KPNA3: variants seen among roughly 807,000 people sequenced by gnomAD.
The protein encoded by KPNA3 is karyopherin subunit alpha 3.
KPNA3 carries 13 observed loss-of-function variants against 73.8 expected under a neutral mutation model. The observed-to-expected ratio is 0.18, with a 90% CI of 0.11 to 0.28. KPNA3 has a LOEUF of 0.28. Among genes scored for constraint, KPNA3 ranks in the 10% least tolerant of loss-of-function variants. The pLI is 1.00. For missense variants in KPNA3, 360 were observed against 618.1 expected (o/e 0.58, Z 4.43); for synonymous variants, 186 against 206.9 (o/e 0.90, Z 0.87).
rs1954134927 is a variant in KPNA3, at chr13:49,700,217, G to A, written c.*1583C>T. ...TGTAATGAATGCACACCTGCTATGT[G>A]TTGTTTATCAGTGAAAACACCCCAG... is the stretch of plus-strand genomic sequence containing the variant. On this transcript the variant is annotated 3_prime_UTR_variant, in exon 17 of 17. Transcript: ENST00000261667. The A allele has an allele frequency of 6.6e-6, 1 of 152,556 alleles. No individual in the cohort carries two copies. The highest frequency in any genetic ancestry group is 1.5e-5 in the Non-Finnish European group (1 of 68,014). The allele number at this position is 152,556 out of a possible 1,614,324, so 9.5% of individuals were successfully genotyped here.
chr13:49,705,888 A>G, intron 14 of KPNA3, 105 bp from the exon 15 acceptor site: 3 of 1,112,510 alleles, frequency 2.7e-6, no homozygotes, highest in Middle Eastern at 5.9e-4. Flanking sequence ...TCTTGAGCCC[A>G]GGAGTTGGAG....
At chr13:49,725,274 G>GA in intron 7 of KPNA3, 142 bp downstream of exon 7, 1 of 447,890 alleles carries the variant, frequency 2.2e-6, no homozygotes, top group East Asian at 3.5e-5. Context: ...TGACGGCTAT[G>GA]AAAAAGATAT....
intron 1 of KPNA3, among the ~76,000 whole-genome samples, chr13:49,777,667 A>ATTTTT (rs146787105): frequency 1.4e-5 from 2 of 141,354 alleles, no homozygotes; most frequent in African/African-American, 5.3e-5. Context: ...CACCCAGATG[A>ATTTTT]TTTTTTTTTT....
At chr13:49,792,411 G>A (rs759045635) in intron 1 of KPNA3, 27 bp downstream of exon 1, 9 of 1,518,980 alleles carry the variant, frequency 5.9e-6, no homozygotes, top group Admixed American at 4.1e-5. Context: ...GCGGCCAGGC[G>A]GGCCCAGACC....
chr13:49,734,768 A>C (rs1377767426), intron 2 of KPNA3, among the ~76,000 whole-genome samples: 1 of 152,116 alleles, frequency 6.6e-6, no homozygotes, highest in African/African-American at 2.4e-5. Context: ...ACATGTGTCT[A>C]TTAGTTAAAA....
Position 49,701,366 on chromosome 13 carries a change from G to T in KPNA3, c.*434C>A. 3.3e-6 allele frequency: 1 copy of T among 307,166 alleles called. No individual in the cohort carries two copies. The highest frequency in any genetic ancestry group is 6.9e-6 in the Non-Finnish European group (1 of 144,504). The allele number at this position is 307,166 out of a possible 1,614,324, so 19.0% of individuals were successfully genotyped here. On this transcript the variant is annotated 3_prime_UTR_variant, in exon 17 of 17. Transcript: ENST00000261667. ...TATGTTTGTGGAGGACAATGATGGA[G>T]GCTCAGATCACACTGCACCTCTTTA... is the stretch of plus-strand genomic sequence containing the variant.
intron 11 of KPNA3, among the ~76,000 whole-genome samples, chr13:49,710,198 G>T (rs1452700315): frequency 6.6e-6 from 1 of 152,214 alleles, no homozygotes; most frequent in Admixed American, 6.5e-5. Flanking sequence ...AGAGGCAGAG[G>T]CTGCGGTGAG....
intron 1 of KPNA3, among the ~76,000 whole-genome samples, chr13:49,782,242 T>C (rs1185082832): frequency 6.6e-6 from 1 of 152,146 alleles, no homozygotes; most frequent in African/African-American, 2.4e-5. Context: ...ACAATGCCCC[T>C]CATATCAGCT....
At chr13:49,751,880 C>A (rs1954666154) in intron 1 of KPNA3, among the ~76,000 whole-genome samples, 1 of 152,144 alleles carries the variant, frequency 6.6e-6, no homozygotes, top group Non-Finnish European at 1.5e-5. Flanking sequence ...TACACTCCAG[C>A]CTGGGTGATA....
chr13:49,732,995 T>C lies in KPNA3; in HGVS notation c.166A>G (p.Ser56Gly). ...LKKRNVPQEE[S>G]LEDSDVDADF... ...GCATCAACATCTGAATCTTCTAGAC[T>C]TTCTTCTTGGGGAACATTTCTCTTT... The change falls in exon 3 of 17, where the codon AGT (serine) becomes GGT (glycine). Residue 56 changes from serine to glycine, a missense_variant. By Grantham distance (56) the Ser-to-Gly change is moderately conservative. Around this residue, in one of 3 missense-constraint regions of KPNA3, gnomAD observed 287 missense variants for 549.1 expected, o/e 0.52. Transcript: ENST00000261667. 6.2e-7 allele frequency: 1 copy of C among 1,611,900 alleles called. No homozygotes were observed. The highest frequency in any genetic ancestry group is 1.1e-5 in the South Asian group (1 of 90,940).
At chr13:49,784,107 G>A (rs1258122854) in intron 1 of KPNA3, among the ~76,000 whole-genome samples, 1 of 152,082 alleles carries the variant, frequency 6.6e-6, no homozygotes, top group African/African-American at 2.4e-5. Flanking sequence ...AAATAAGCTG[G>A]ACATGGTAGT....
At chr13:49,787,805 G>A (rs1032534438) in intron 1 of KPNA3, among the ~76,000 whole-genome samples, 3 of 150,534 alleles carry the variant, frequency 2.0e-5, no homozygotes, top group Admixed American at 6.6e-5. Flanking sequence ...TCAGCCTCCC[G>A]TGTAGCTGGG....
intron 10 of KPNA3, among the ~76,000 whole-genome samples, chr13:49,718,002 T>A (rs919695774): frequency 6.6e-6 from 1 of 152,198 alleles, no homozygotes; most frequent in African/African-American, 2.4e-5. Context: ...ATTTTTTTTT[T>A]CACTGTGAGC....
At chr13:49,792,071 C>T (rs1955038246) in intron 1 of KPNA3, among the ~76,000 whole-genome samples, 1 of 152,144 alleles carries the variant, frequency 6.6e-6, no homozygotes, top group African/African-American at 2.4e-5. Context: ...AAGCAGCGGC[C>T]GCCCCCTCGG....
chr13:49,738,250 T>C (rs1157262631), intron 2 of KPNA3, among the ~76,000 whole-genome samples: 2 of 152,226 alleles, frequency 1.3e-5, no homozygotes, highest in Admixed American at 6.5e-5. Context: ...ACACACAGTA[T>C]TGATTACTAT....
rs920370786 is a variant in KPNA3 at position 49,701,713 on chromosome 13, C to A, written c.*87G>T. The A allele has an allele frequency of 5.9e-6, 5 of 851,492 alleles. No individual in the cohort carries two copies. The highest frequency in any genetic ancestry group is 1.0e-5 in the Non-Finnish European group (5 of 489,310). The allele number at this position is 851,492 out of a possible 1,614,324, so 52.7% of individuals were successfully genotyped here. On this transcript the variant is annotated 3_prime_UTR_variant, in exon 17 of 17. Transcript: ENST00000261667. ...ACAAAGAGGCATGTGTGTTTTGGAG[C>A]CTTTTGTTGCTGTTGTTCTTATCAT...
At chr13:49,767,471 G>T (rs1430106633) in intron 1 of KPNA3, among the ~76,000 whole-genome samples, 1 of 150,638 alleles carries the variant, frequency 6.6e-6, no homozygotes, top group Non-Finnish European at 1.5e-5. Context: ...AGAATAAAAA[G>T]AACTATTACA....
In KPNA3 at chr13:49,710,871, A is replaced by G; in HGVS notation, c.903+20T>C. ...GCAAACACAACTGTATACAAATAAG[A>G]AAAATTTAAAAATACTTACTTGAAC... On this transcript the variant is annotated intron_variant, in intron 11 of 16. Transcript: ENST00000261667. 6.2e-7 allele frequency: 1 copy of G among 1,607,434 alleles called. No homozygotes were observed.
chr13:49,774,785 A>G (rs1301520403), intron 1 of KPNA3, among the ~76,000 whole-genome samples: 1 of 152,210 alleles, frequency 6.6e-6, no homozygotes, highest in Non-Finnish European at 1.5e-5. Context: ...TAACTGCTGC[A>G]TGGAGCTATG....
Sources: allele counts gnomAD v4.1 joint callset (sites outside exome capture counted in the v4.1 genomes callset), GRCh38; gene constraint gnomAD v4.1.1; regional missense constraint gnomAD v4.1.1; transcripts MANE v1.5; gene names NCBI Gene and HGNC (gene_info 2026-07-23, HGNC 2026-07-21).